Variants in NAALADL2 observed in about 807,000 individuals in gnomAD.
NAALADL2 encodes N-acetylated alpha-linked acidic dipeptidase like 2.
Under a neutral mutation model 87.2 loss-of-function variants are expected in NAALADL2, and 76 were observed. The observed-to-expected ratio is 0.87, with a 90% CI of 0.72 to 1.05. NAALADL2 has a LOEUF of 1.05. NAALADL2 is among the 50% of genes least tolerant of loss of function. The probability of loss-of-function intolerance (pLI) is 0.00; values close to 1 mark genes in which losing one functional copy is unlikely to be tolerated. For missense variants in NAALADL2, 1,089 were observed against 945.8 expected (o/e 1.15, Z -1.99); for synonymous variants, 354 against 331.0 (o/e 1.07, Z -0.75).
intron 4 of NAALADL2, among the ~76,000 whole-genome samples, chr3:175,283,708 G>C (rs1444659239): frequency 6.6e-6 from 1 of 152,144 alleles, no homozygotes; most frequent in Non-Finnish European, 1.5e-5. Flanking sequence ...GTCTGCACCT[G>C]ATATCAGGTT....
At chr3:174,601,164 G>T (rs1718422189) in intron 2 of NAALADL2, among the ~76,000 whole-genome samples, 1 of 152,110 alleles carries the variant, frequency 6.6e-6, no homozygotes. Flanking sequence ...CTAGGAGTGA[G>T]ATTTCTGGAT....
intron 1 of NAALADL2, among the ~76,000 whole-genome samples, chr3:174,543,834 C>G (rs1041628557): frequency 6.6e-6 from 1 of 151,918 alleles, no homozygotes; most frequent in Admixed American, 6.6e-5. Context: ...ATGACAAAAC[C>G]CTGTCTCTAC....
intron 2 of NAALADL2, among the ~76,000 whole-genome samples, chr3:175,158,791 T>A (rs139799703): frequency 6.1e-4 from 93 of 152,186 alleles, no homozygotes; most frequent in African/African-American, 2.2e-3. Flanking sequence ...AATAGAGTTC[T>A]TGAAATTGTC....
At chr3:174,565,565 C>T (rs773219875) in intron 2 of NAALADL2, among the ~76,000 whole-genome samples, 1 of 152,064 alleles carries the variant, frequency 6.6e-6, no homozygotes, top group African/African-American at 2.4e-5. Context: ...TGTTTATCCA[C>T]TCACTTACTG....
intron 1 of NAALADL2, among the ~76,000 whole-genome samples, chr3:175,016,259 T>TCA (rs1703203508): frequency 8.4e-6 from 1 of 118,994 alleles, no homozygotes; most frequent in African/African-American, 3.5e-5. Flanking sequence ...GATAAATTAT[T>TCA]TATATATATA....
At chr3:175,273,685 C>T (rs1012900368) in intron 4 of NAALADL2, among the ~76,000 whole-genome samples, 10 of 151,668 alleles carry the variant, frequency 6.6e-5, no homozygotes, top group Admixed American at 1.3e-4. Flanking sequence ...TTAACCCTAA[C>T]GTAAGAGTAT....
chr3:175,647,978 A>ATCTT, intron 11 of NAALADL2, among the ~76,000 whole-genome samples: 1 of 152,336 alleles, frequency 6.6e-6, no homozygotes, highest in South Asian at 2.1e-4. Flanking sequence ...CCCCCAGTAG[A>ATCTT]TCTTTGTACT....
At chr3:175,552,047 G>C (rs1714483692) in intron 9 of NAALADL2, among the ~76,000 whole-genome samples, 2 of 151,568 alleles carry the variant, frequency 1.3e-5, no homozygotes, top group African/African-American at 2.4e-5. Context: ...TAATTTCTTG[G>C]CTTAAACCTA....
At chr3:174,913,398 G>A (rs983066818) in intron 1 of NAALADL2, among the ~76,000 whole-genome samples, 11 of 152,104 alleles carry the variant, frequency 7.2e-5, no homozygotes, top group African/African-American at 2.7e-4. Context: ...ACTACACTGT[G>A]AAGGAAAAAC....
intron 2 of NAALADL2, among the ~76,000 whole-genome samples, chr3:175,158,247 G>A (rs1242047453): frequency 3.9e-5 from 6 of 151,926 alleles, no homozygotes; most frequent in Admixed American, 1.3e-4. Context: ...GTAGGGTTAC[G>A]GATTTTTTGC....
intron 1 of NAALADL2, among the ~76,000 whole-genome samples, chr3:174,947,325 C>A (rs910741835): frequency 7.9e-5 from 12 of 152,114 alleles, no homozygotes; most frequent in Admixed American, 5.2e-4. Flanking sequence ...GTTATCCCAA[C>A]CCTTGCAAAG....
chr3:175,801,937 G>A (rs1754202389), intron 13 of NAALADL2, among the ~76,000 whole-genome samples: 1 of 152,028 alleles, frequency 6.6e-6, no homozygotes, highest in Non-Finnish European at 1.5e-5. Flanking sequence ...CCACACTTGT[G>A]AGAAGATGGT....
intron 1 of NAALADL2, among the ~76,000 whole-genome samples, chr3:174,925,862 A>T (rs927143693): frequency 3.9e-5 from 6 of 152,152 alleles, no homozygotes; most frequent in Admixed American, 2.0e-4. Flanking sequence ...ATGGAGAATG[A>T]CTTTGACGAG....
chr3:175,441,263 A>G (rs964556738), intron 5 of NAALADL2, among the ~76,000 whole-genome samples: 5 of 152,174 alleles, frequency 3.3e-5, no homozygotes, highest in African/African-American at 1.2e-4. Context: ...TGTTGAATTC[A>G]TGTGAATTAA....
At chr3:174,529,340 C>T (rs1470023812) in intron 1 of NAALADL2, among the ~76,000 whole-genome samples, 1 of 152,230 alleles carries the variant, frequency 6.6e-6, no homozygotes, top group African/African-American at 2.4e-5. Flanking sequence ...TTGGGCTGCT[C>T]TGCCCCTGTG....
chr3:174,571,124 T>C (rs1714864975), intron 2 of NAALADL2, among the ~76,000 whole-genome samples: 1 of 152,152 alleles, frequency 6.6e-6, no homozygotes, highest in Non-Finnish European at 1.5e-5. Context: ...TAGACATCTC[T>C]GAATAGCAAG....
intron 11 of NAALADL2, among the ~76,000 whole-genome samples, chr3:175,698,682 TC>T (rs1324695597): frequency 1.3e-5 from 2 of 151,402 alleles, no homozygotes; most frequent in Non-Finnish European, 3.0e-5. Flanking sequence ...TTAGAAGAAT[TC>T]GTGTCATGTG....
chr3:174,747,303 C>T (rs921210529), intron 3 of NAALADL2, among the ~76,000 whole-genome samples: 3 of 152,012 alleles, frequency 2.0e-5, no homozygotes, highest in East Asian at 1.9e-4. Context: ...AATACATTTA[C>T]GTGGCCAAAA....
At chr3:174,639,558 G>A (rs1332839524) in intron 2 of NAALADL2, among the ~76,000 whole-genome samples, 1 of 152,132 alleles carries the variant, frequency 6.6e-6, no homozygotes, top group East Asian at 1.9e-4. Context: ...CCCTCCAGAA[G>A]TGGTGGTTAA....
Sources: allele counts gnomAD v4.1 joint callset (sites outside exome capture counted in the v4.1 genomes callset), GRCh38; gene constraint gnomAD v4.1.1; transcripts MANE v1.5; gene names NCBI Gene and HGNC (gene_info 2026-07-23, HGNC 2026-07-21).